BIRC6: variants seen among roughly 807,000 people sequenced by gnomAD.
BIRC6 encodes baculoviral IAP repeat containing 6.
BIRC6 carries 98 observed loss-of-function variants against 503.3 expected under a neutral mutation model. The ratio of observed to expected loss-of-function variants is 0.19; its 90% confidence interval spans 0.17 to 0.23. The LOEUF is 0.23. BIRC6 is among the 10% of genes least tolerant of loss of function. The pLI, the probability that BIRC6 is intolerant of heterozygous loss-of-function variation, is 1.00. For missense variants in BIRC6, 5,360 were observed against 5,806.0 expected, an observed-to-expected ratio of 0.92 and a Z score of 2.50; for synonymous variants, 2,240 against 2,078.7, an observed-to-expected ratio of 1.08 and a Z score of -2.11.
intron 17 of BIRC6, 66 bp from the exon 18 acceptor site, chr2:32,441,999 C>A: frequency 3.3e-6 from 4 of 1,198,436 alleles, no homozygotes; most frequent in South Asian, 2.2e-5. Context: ...CCTTTCCAGC[C>A]AGGTTGTGAT....
At chr2:32,509,019 C>T (rs1335404193) in intron 51 of BIRC6, among the ~76,000 whole-genome samples, 2 of 150,212 alleles carry the variant, frequency 1.3e-5, no homozygotes, top group African/African-American at 2.5e-5. Context: ...CAGTGAGCCA[C>T]GATTCCACCA....
chr2:32,575,669 G>A, intron 66 of BIRC6, among the ~76,000 whole-genome samples: 1 of 151,968 alleles, frequency 6.6e-6, no homozygotes, highest in East Asian at 1.9e-4. Flanking sequence ...GGAGGCTGAG[G>A]CAGGAGAATG....
chr2:32,442,310 C>G lies in BIRC6; in HGVS notation c.4107-14C>G, dbSNP rs765467117. 1.9e-6 allele frequency: 3 copies of G among 1,612,610 alleles called. No homozygotes were observed. The highest frequency in any genetic ancestry group is 3.3e-4 in the Middle Eastern group (2 of 6,074). On this transcript the variant is annotated splice_polypyrimidine_tract_variant and intron_variant, in intron 18 of 73. Transcript: ENST00000421745. Reference sequence around the variant, plus strand: ...AGTTCAGGATGAGTCTAAATGTCTGCTATTGTTTTGCAGCTCAAAGGAAGG... The same window carrying G: ...AGTTCAGGATGAGTCTAAATGTCTGGTATTGTTTTGCAGCTCAAAGGAAGG...
Position 32,358,920 on chromosome 2 carries a change from T to C in BIRC6, c.325+1434T>C, listed in dbSNP as rs140163406. ...TTGGACATAATGGCTTCTCACTGTG[T>C]GTAAGAGGGAGATGCTCATTGGTAA... is the stretch of plus-strand genomic sequence containing the variant. On this transcript the variant is annotated intron_variant, in intron 1 of 73. Transcript: ENST00000421745. 3.1e-4 allele frequency among the ~76,000 whole-genome samples: 47 copies of C among 152,348 alleles called. No individual in the cohort carries two copies. In the East Asian group the frequency reaches 7.7e-3, roughly 25 times the overall value.
At chr2:32,614,800 C>T (rs1213341529) in intron 73 of BIRC6, among the ~76,000 whole-genome samples, 1 of 152,182 alleles carries the variant, frequency 6.6e-6, no homozygotes, top group Non-Finnish European at 1.5e-5. Flanking sequence ...CCATTGCTCT[C>T]CAGCCTGGGC....
chr2:32,545,255 C>T (rs772239867), intron 62 of BIRC6, among the ~76,000 whole-genome samples: 5 of 152,118 alleles, frequency 3.3e-5, no homozygotes, highest in Admixed American at 6.6e-5. Flanking sequence ...TTTACTTGTT[C>T]ATTATCTGTT....
At chr2:32,550,022 GAATT>G (rs1173077262) in intron 65 of BIRC6, among the ~76,000 whole-genome samples, 1 of 152,020 alleles carries the variant, frequency 6.6e-6, no homozygotes, top group Non-Finnish European at 1.5e-5. Flanking sequence ...CTTGGTTATG[GAATT>G]ATCTAAGAAA....
intron 60 of BIRC6, 129 bp downstream of exon 60, chr2:32,529,953 A>G: frequency 1.9e-6 from 1 of 538,842 alleles, no homozygotes; most frequent in Admixed American, 4.3e-5. Flanking sequence ...TTATGACTGA[A>G]TTTTTGTAAA....
At chr2:32,410,581 T>C (rs745985573) in intron 9 of BIRC6, among the ~76,000 whole-genome samples, 1 of 152,224 alleles carries the variant, frequency 6.6e-6, no homozygotes, top group Non-Finnish European at 1.5e-5. Flanking sequence ...ATTCTAGATA[T>C]GCCAGTGAGC....
rs1036787776 is a variant in BIRC6 at position 32,500,005 on chromosome 2, C to A, written c.8927C>A (p.Ser2976Ter). ...GGAAGCAGTACCAGTGTTCAAGGAT[C>A]GCCTGCATATGTTGCTGACTTAGTC... ...GNGSSTSVQG[S>*]PAYVADLVLA... is the part of the protein sequence containing the mutation. Residue 2976 changes from serine (S) to a stop codon, truncating the protein, a stop_gained, in exon 46 of 74, where the codon TCG becomes TAG. Transcript: ENST00000421745. LOFTEE classifies it high-confidence loss of function. The A allele has an allele frequency of 6.2e-7, 1 of 1,613,904 alleles. No individual in the cohort carries two copies. Among genetic ancestry groups the A allele is most frequent in the Middle Eastern group, 1.6e-4 (1 of 6,062 alleles).
intron 45 of BIRC6, among the ~76,000 whole-genome samples, chr2:32,497,921 G>C (rs911187184): frequency 6.6e-6 from 1 of 151,980 alleles, no homozygotes; most frequent in Non-Finnish European, 1.5e-5. Context: ...TTATTGACAT[G>C]CTGGATTAAA....
chr2:32,599,434 G>A (rs1487334631), intron 69 of BIRC6, among the ~76,000 whole-genome samples: 2 of 151,994 alleles, frequency 1.3e-5, no homozygotes, highest in East Asian at 1.9e-4. Context: ...GAGGCTAGGA[G>A]TTTGAGACCA....
At chr2:32,556,863 C>T (rs547963164) in intron 65 of BIRC6, among the ~76,000 whole-genome samples, 3 of 152,028 alleles carry the variant, frequency 2.0e-5, no homozygotes, top group East Asian at 1.9e-4. Flanking sequence ...TGCTTGAAGC[C>T]GGGAGGCAGA....
chr2:32,485,891 T>A (rs1263032785), intron 40 of BIRC6, 132 bp downstream of exon 40: 4 of 599,924 alleles, frequency 6.7e-6, no homozygotes, highest in Non-Finnish European at 1.2e-5. Context: ...TGTAGCACTT[T>A]CCTGGCTCCG....
At chr2:32,483,420 G>T (rs2050640662) in intron 39 of BIRC6, among the ~76,000 whole-genome samples, 1 of 152,130 alleles carries the variant, frequency 6.6e-6, no homozygotes, top group South Asian at 2.1e-4. Context: ...TTGGTAATTT[G>T]ATGTCATTTT....
chr2:32,480,693 G>A (rs1263858768), intron 37 of BIRC6, among the ~76,000 whole-genome samples: 1 of 120,056 alleles, frequency 8.3e-6, no homozygotes, highest in Non-Finnish European at 1.6e-5. Context: ...CCAGGCTGGA[G>A]CACAATGGCG....
At chr2:32,445,705 T>TC (rs1212449987) in intron 21 of BIRC6, 37 bp downstream of exon 21, 5 of 1,401,416 alleles carry the variant, frequency 3.6e-6, no homozygotes, top group Non-Finnish European at 3.8e-6. Flanking sequence ...AATAGGCGTC[T>TC]CTGAGTATGA....
intron 45 of BIRC6, among the ~76,000 whole-genome samples, chr2:32,498,874 C>G (rs558830723): frequency 6.6e-6 from 1 of 152,186 alleles, no homozygotes; most frequent in South Asian, 2.1e-4. Context: ...GCCATCATGC[C>G]TGGCTAATTT....
At chr2:32,429,410 G>A in intron 11 of BIRC6, 115 bp downstream of exon 11, 1 of 761,394 alleles carries the variant, frequency 1.3e-6, no homozygotes. Context: ...CAACCTGTAT[G>A]GTATGTTACT....
Sources: allele counts gnomAD v4.1 joint callset (sites outside exome capture counted in the v4.1 genomes callset), GRCh38; gene constraint gnomAD v4.1.1; transcripts MANE v1.5; gene names NCBI Gene and HGNC (gene_info 2026-07-23, HGNC 2026-07-21).